The following RTN3 variants were observed in gnomAD, a reference collection of about 807,000 sequenced individuals.
The protein encoded by RTN3 is reticulon-3.
A neutral mutation model predicts 77.8 loss-of-function variants in RTN3; 49 were observed. The observed-to-expected ratio is 0.63, with a 90% CI of 0.50 to 0.80. The LOEUF (loss-of-function observed/expected upper bound fraction) is 0.80. Among genes scored for constraint, RTN3 ranks in the 30% least tolerant of loss-of-function variants. The pLI, the probability that RTN3 is intolerant of heterozygous loss-of-function variation, is 0.00. For synonymous variants in RTN3, 464 were observed against 446.9 expected (o/e 1.04, Z -0.48); for missense variants, 1,236 against 1,211.9 (o/e 1.02, Z -0.29).
intron 1 of RTN3, among the ~76,000 whole-genome samples, chr11:63,693,494 A>C (rs1941774086): frequency 6.6e-6 from 1 of 152,186 alleles, no homozygotes; most frequent in South Asian, 2.1e-4. Flanking sequence ...CAAAAAAAAA[A>C]AGTATTGCAT....
intron 3 of RTN3, among the ~76,000 whole-genome samples, chr11:63,735,896 TAA>T (rs2013088049): frequency 6.6e-6 from 1 of 152,148 alleles, no homozygotes; most frequent in Non-Finnish European, 1.5e-5. Context: ...AACATTTATT[TAA>T]AGACATTATA....
rs769272361 is a variant in RTN3, at chr11:63,681,610, C to T, written c.-27C>T. 1.9e-6 allele frequency: 3 copies of T among 1,571,216 alleles called. No homozygotes were observed. Among genetic ancestry groups the T allele is most frequent in the Middle Eastern group, 1.8e-4 (1 of 5,468 alleles). The stretch of plus-strand genomic sequence containing the variant: ...TCTCCCGCCCCGTATCTCTTTTCAC[C>T]CTTCTCCCACCCTCGCTCGCGTAGC... On this transcript the variant is annotated 5_prime_UTR_variant, in exon 1 of 9. Transcript: ENST00000377819.
At chr11:63,684,696 T>C (rs1258909084) in intron 1 of RTN3, among the ~76,000 whole-genome samples, 2 of 152,244 alleles carry the variant, frequency 1.3e-5, no homozygotes, top group East Asian at 3.8e-4. Flanking sequence ...TATATAGTAG[T>C]ACTTGGTAAG....
At position 63,759,054 on chromosome 11, in the gene RTN3, ATGTC is replaced by A. The variant is rs1220832971; in HGVS notation, c.*857_*860del. 2 of 152,268 alleles carry A rather than the reference ATGTC, an allele frequency of 1.3e-5. No individual in the cohort carries two copies. The highest frequency in any genetic ancestry group is 1.9e-4 in the East Asian group (1 of 5,188). The allele number at this position is 152,268 out of a possible 1,614,324, so 9.4% of individuals were successfully genotyped here. A position where few individuals can be genotyped will look rare whatever the true frequency, so the allele number is the denominator to read the frequency against. The stretch of plus-strand genomic sequence containing the variant: ...TTGTACTTTTCTTACTATAAAATAA[ATGTC>A]TGTAACTGCTGTGCACTGCTGTAAA... On this transcript the variant is annotated 3_prime_UTR_variant, in exon 9 of 9. Coordinates refer to ENST00000377819, the MANE Select transcript of RTN3 (RefSeq NM_001265589.2).
Position 63,720,250 on chromosome 11 carries a change from C to A in RTN3, c.1748C>A (p.Ser583Ter). 6.2e-7 allele frequency: 1 copy of A among 1,613,926 alleles called. No individual in the cohort carries two copies. The highest frequency in any genetic ancestry group is 8.5e-7 in the Non-Finnish European group (1 of 1,179,966). ...AGTCCAGCTAGTGAGGCAGCATGTT[C>A]AAAAGTACCCGATACGAATGTCTCC... ...GRSPASEAACSKVPDTNVSLE... is the reference protein window; with the variant it reads ...GRSPASEAAC Residue 583 changes from serine (S) to a stop codon, truncating the protein, a stop_gained, in exon 3 of 9, where the codon TCA becomes TAA. Transcript: ENST00000377819. LOFTEE classifies it high-confidence loss of function.
At chr11:63,739,621 C>T (rs551705851) in intron 3 of RTN3, among the ~76,000 whole-genome samples, 15 of 152,300 alleles carry the variant, frequency 9.8e-5, no homozygotes, top group Admixed American at 5.9e-4. Flanking sequence ...AATAATTTGT[C>T]CATAGCTTTA....
At chr11:63,704,681 T>C (rs1353293088) in intron 1 of RTN3, among the ~76,000 whole-genome samples, 170 bp from the exon 2 acceptor site, 1 of 152,182 alleles carries the variant, frequency 6.6e-6, no homozygotes, top group Non-Finnish European at 1.5e-5. Context: ...AAATAAGGTT[T>C]TGCTACCAGG....
intron 3 of RTN3, among the ~76,000 whole-genome samples, chr11:63,741,217 T>A (rs2013454001): frequency 6.6e-6 from 1 of 151,702 alleles, no homozygotes; most frequent in South Asian, 2.1e-4. Context: ...TTATTTATTT[T>A]TTGAGATGGA....
intron 3 of RTN3, among the ~76,000 whole-genome samples, chr11:63,740,749 C>A (rs1417093306): frequency 6.6e-6 from 1 of 151,956 alleles, no homozygotes; most frequent in African/African-American, 2.4e-5. Flanking sequence ...TTACTGGCAA[C>A]AAAGAGGAAA....
chr11:63,744,660 C>G (rs533209961), intron 3 of RTN3, among the ~76,000 whole-genome samples: 1 of 152,214 alleles, frequency 6.6e-6, no homozygotes, highest in African/African-American at 2.4e-5. Flanking sequence ...CTGTACTATA[C>G]TCAGCCAGAA....
intron 3 of RTN3, among the ~76,000 whole-genome samples, chr11:63,734,134 A>C (rs2012903805): frequency 2.6e-5 from 4 of 152,180 alleles, no homozygotes; most frequent in Admixed American, 2.6e-4. Flanking sequence ...TGAAATGCTG[A>C]ACACTTTCTC....
At chr11:63,713,459 G>A (rs1011763881) in intron 2 of RTN3, among the ~76,000 whole-genome samples, 1 of 152,058 alleles carries the variant, frequency 6.6e-6, no homozygotes, top group Non-Finnish European at 1.5e-5. Context: ...ACAGGTGTAT[G>A]CCACCATGAC....
chr11:63,758,923 T>C lies in RTN3; in HGVS notation c.*722T>C, dbSNP rs1453365810. ...GGAAAGGCTCCGCCATTTGGGAAAG[T>C]GGTTTCTACGTCACTGGACACCGGT... On this transcript the variant is annotated 3_prime_UTR_variant, in exon 9 of 9. Coordinates refer to ENST00000377819, the MANE Select transcript of RTN3 (RefSeq NM_001265589.2). 4 of 152,268 alleles carry C rather than the reference T, an allele frequency of 2.6e-5. No homozygotes were observed. The highest frequency in any genetic ancestry group is 9.7e-5 in the African/African-American group (4 of 41,424). 9.4% of individuals were successfully genotyped at this position (152,268 alleles called of 1,614,324 possible).
intron 7 of RTN3, among the ~76,000 whole-genome samples, chr11:63,755,180 T>C (rs776475145): frequency 1.3e-5 from 2 of 152,018 alleles, no homozygotes; most frequent in Middle Eastern, 3.4e-3. Context: ...TGACAGAAAA[T>C]AGATTAGACA....
intron 3 of RTN3, among the ~76,000 whole-genome samples, chr11:63,738,049 C>A (rs1031003759): frequency 2.6e-5 from 4 of 152,186 alleles, no homozygotes; most frequent in African/African-American, 9.7e-5. Flanking sequence ...CCTGACGTCT[C>A]TTTTGCAACT....
chr11:63,753,772 C>T, intron 7 of RTN3, 64 bp downstream of exon 7: 1 of 1,401,032 alleles, frequency 7.1e-7, no homozygotes, highest in Non-Finnish European at 1.0e-6. Context: ...TAGTTCATTT[C>T]TGAGACATTG....
chr11:63,756,215 C>T (rs2014375547), intron 8 of RTN3, 45 bp downstream of exon 8: 1 of 1,318,648 alleles, frequency 7.6e-7, no homozygotes, highest in Non-Finnish European at 1.1e-6. Context: ...ATGCTTCCTT[C>T]CCCCCAATTA....
At chr11:63,701,253 T>G (rs1942224449) in intron 1 of RTN3, among the ~76,000 whole-genome samples, 1 of 152,178 alleles carries the variant, frequency 6.6e-6, no homozygotes, top group African/African-American at 2.4e-5. Context: ...ACAGCTCTTT[T>G]CCAGAATGTC....
chr11:63,686,197 A>G (rs887616964), intron 1 of RTN3, among the ~76,000 whole-genome samples: 1 of 152,180 alleles, frequency 6.6e-6, no homozygotes, highest in Non-Finnish European at 1.5e-5. Flanking sequence ...TTGGCCGGGC[A>G]CGGTGGCTCA....
Sources: allele counts gnomAD v4.1 joint callset (sites outside exome capture counted in the v4.1 genomes callset), GRCh38; gene constraint gnomAD v4.1.1; transcripts MANE v1.5; gene names NCBI Gene and HGNC (gene_info 2026-07-23, HGNC 2026-07-21).